Variants in CDYL2 observed in about 807,000 individuals in gnomAD.
CDYL2 encodes chromodomain Y like 2.
Under a neutral mutation model 49.4 loss-of-function variants are expected in CDYL2, and 23 were observed. The ratio of observed to expected loss-of-function variants is 0.47; its 90% CI spans 0.34 to 0.66. CDYL2 has a LOEUF of 0.66. Among genes scored for constraint, CDYL2 ranks in the 30% least tolerant of loss-of-function variants. CDYL2 has a pLI of 0.01. For synonymous variants in CDYL2, 360 were observed against 268.8 expected (o/e 1.34, Z -3.32); for missense variants, 678 against 656.4 (o/e 1.03, Z -0.36).
chr16:80,670,802 C>T (rs556722761), intron 2 of CDYL2: 36 of 406,130 alleles, frequency 8.9e-5, no homozygotes, highest in Admixed American at 4.3e-4. Context: ...TCGAGGCTGG[C>T]GCTCCCAGGA....
At chr16:80,620,709 T>C in intron 4 of CDYL2, 54 bp downstream of exon 4, 2 of 1,445,472 alleles carry the variant, frequency 1.4e-6, no homozygotes, top group Non-Finnish European at 1.8e-6. Context: ...CCTGTATTTT[T>C]ACTTGGTAAT....
intron 1 of CDYL2, among the ~76,000 whole-genome samples, chr16:80,799,367 C>T (rs933157319): frequency 3.3e-5 from 5 of 152,084 alleles, no homozygotes; most frequent in African/African-American, 4.8e-5. Context: ...CCCACTGTAC[C>T]GTAAAATACT....
At chr16:80,646,339 A>C (rs1908344773) in intron 2 of CDYL2, among the ~76,000 whole-genome samples, 1 of 152,160 alleles carries the variant, frequency 6.6e-6, no homozygotes, top group Non-Finnish European at 1.5e-5. Flanking sequence ...ACCTTCACTA[A>C]AAGGAAGACA....
rs899073863 is a variant in CDYL2, at chr16:80,633,623, T to C, written c.617-387A>G. The stretch of plus-strand genomic sequence containing the variant: ...TAAGAGCAAGACCAGCAGCTAACCT[T>C]TAACCAACCCGTATTATGTGCTAAG... On this transcript the variant is annotated intron_variant, in intron 2 of 6. Coordinates refer to ENST00000570137, the MANE Select transcript of CDYL2 (RefSeq NM_152342.4). Among the ~76,000 whole-genome samples the C allele has an allele frequency of 2.0e-5, 3 of 152,144 alleles. No homozygotes were observed. The South Asian group carries it at 6.2e-4, about 32-fold the overall frequency.
chr16:80,802,928 T>C (rs981762531), intron 1 of CDYL2, among the ~76,000 whole-genome samples: 3 of 152,210 alleles, frequency 2.0e-5, no homozygotes, highest in African/African-American at 4.8e-5. Flanking sequence ...CTTATCTCAA[T>C]GGAGCCCCAA....
At chr16:80,788,233 C>G (rs935041823) in intron 1 of CDYL2, among the ~76,000 whole-genome samples, 2 of 152,194 alleles carry the variant, frequency 1.3e-5, no homozygotes, top group African/African-American at 4.8e-5. Context: ...CCAACCAACA[C>G]GAAGAAGACC....
At chr16:80,661,242 C>G (rs1410123374) in intron 2 of CDYL2, among the ~76,000 whole-genome samples, 1 of 152,146 alleles carries the variant, frequency 6.6e-6, no homozygotes, top group Non-Finnish European at 1.5e-5. Context: ...GATACATTAT[C>G]CATTCTGGTT....
chr16:80,790,962 C>G (rs746773397), intron 1 of CDYL2, among the ~76,000 whole-genome samples: 2 of 152,182 alleles, frequency 1.3e-5, no homozygotes, highest in Non-Finnish European at 2.9e-5. Flanking sequence ...AGGCAAATCA[C>G]CAGTTTTAGC....
At chr16:80,732,969 T>C (rs183418789) in intron 1 of CDYL2, among the ~76,000 whole-genome samples, 1 of 152,212 alleles carries the variant, frequency 6.6e-6, no homozygotes, top group East Asian at 1.9e-4. Context: ...TATCATTATC[T>C]ATTTAGTGTC....
At chr16:80,622,365 C>T (rs1165456847) in intron 3 of CDYL2, among the ~76,000 whole-genome samples, 1 of 152,072 alleles carries the variant, frequency 6.6e-6, no homozygotes, top group Admixed American at 6.5e-5. Context: ...TGCCCAGGCT[C>T]CTTGATTCTG....
At chr16:80,618,533 C>T (rs1906934238) in intron 4 of CDYL2, among the ~76,000 whole-genome samples, 1 of 152,174 alleles carries the variant, frequency 6.6e-6, no homozygotes, top group South Asian at 2.1e-4. Context: ...AGGAAGGAAC[C>T]ATTCGGTGGG....
chr16:80,761,385 T>C (rs528530156), intron 1 of CDYL2, among the ~76,000 whole-genome samples: 12 of 152,230 alleles, frequency 7.9e-5, no homozygotes, highest in Non-Finnish European at 1.5e-4. Flanking sequence ...TGCGTTTTCA[T>C]CAAACGGTTG....
intron 1 of CDYL2, among the ~76,000 whole-genome samples, chr16:80,721,099 A>G (rs1027374145): frequency 1.3e-5 from 2 of 152,152 alleles, no homozygotes; most frequent in African/African-American, 4.8e-5. Context: ...CTTCCTTCTC[A>G]GTGCCCCCAC....
intron 1 of CDYL2, among the ~76,000 whole-genome samples, chr16:80,762,974 A>T (rs1355001949): frequency 6.6e-6 from 1 of 152,224 alleles, no homozygotes; most frequent in Non-Finnish European, 1.5e-5. Context: ...GTCTTTAAAG[A>T]GAAACACACC....
chr16:80,792,389 G>A (rs1200914962), intron 1 of CDYL2, among the ~76,000 whole-genome samples: 1 of 152,190 alleles, frequency 6.6e-6, no homozygotes, highest in Non-Finnish European at 1.5e-5. Context: ...TCAAGAACAA[G>A]AGGTGGCGAC....
intron 3 of CDYL2, among the ~76,000 whole-genome samples, chr16:80,631,915 C>T (rs946941041): frequency 1.3e-5 from 2 of 152,140 alleles, no homozygotes; most frequent in Non-Finnish European, 2.9e-5. Flanking sequence ...TACAGAGAAC[C>T]TAGAACCCTC....
intron 1 of CDYL2, among the ~76,000 whole-genome samples, chr16:80,719,862 T>G (rs917609091): frequency 6.6e-6 from 1 of 152,166 alleles, no homozygotes; most frequent in Non-Finnish European, 1.5e-5. Flanking sequence ...AAAGACATTG[T>G]TGGGACCTGC....
At position 80,604,389 on chromosome 16, in the gene CDYL2, C is replaced by G; in HGVS notation, c.1520G>C (p.Ter507SerextTer37). Reference sequence around the variant, plus strand: ...TGGGGGCCCGTGAGCTGGGGCCCCTCAGACTTCATAAATTTTGTCCTGCAG... The same window carrying G: ...TGGGGGCCCGTGAGCTGGGGCCCCTGAGACTTCATAAATTTTGTCCTGCAG... ...SYLQDKIYEV[*>S] The change falls in exon 7 of 7, where the codon TGA (stop) becomes TCA (serine). Residue 507 changes from the stop codon to serine (S), a stop_lost. Transcript: ENST00000570137. The G allele has an allele frequency of 6.2e-7, 1 of 1,613,996 alleles. No homozygotes were observed. Among genetic ancestry groups the G allele is most frequent in the Non-Finnish European group, 8.5e-7 (1 of 1,179,900 alleles).
At chr16:80,637,261 A>T (rs1907877319) in intron 2 of CDYL2, among the ~76,000 whole-genome samples, 1 of 152,162 alleles carries the variant, frequency 6.6e-6, no homozygotes, top group South Asian at 2.1e-4. Context: ...GACTTCTTCA[A>T]TTTGGCAAAG....
Sources: gnomAD v4.1 joint callset for allele counts (sites outside exome capture counted in the v4.1 genomes callset) on GRCh38, gnomAD v4.1.1 for gene constraint, MANE v1.5 for transcripts, NCBI Gene and HGNC (gene_info 2026-07-23, HGNC 2026-07-21) for gene names.